Variants in NBEA observed in about 807,000 individuals in gnomAD.
NBEA encodes neurobeachin.
NBEA carries 44 observed loss-of-function variants against 343.4 expected under a neutral mutation model. The ratio of observed to expected loss-of-function variants is 0.13; its 90% CI spans 0.10 to 0.16. The LOEUF (loss-of-function observed/expected upper bound fraction) is 0.16, where lower values mean the gene tolerates loss of function less well. NBEA is among the 10% of genes least tolerant of loss of function. The pLI is 1.00. For missense variants in NBEA, 2,555 were observed against 3,631.3 expected, an observed-to-expected ratio of 0.70 and a Z score of 7.62; for synonymous variants, 1,175 against 1,238.7, an observed-to-expected ratio of 0.95 and a Z score of 1.08.
intron 1 of NBEA, among the ~76,000 whole-genome samples, chr13:34,965,759 G>A (rs568505533): frequency 2.2e-4 from 33 of 152,100 alleles, no homozygotes; most frequent in African/African-American, 7.9e-4. Flanking sequence ...ATGACAAGGG[G>A]TGGGAGGAGG....
chr13:35,257,605 A>G (rs2032762621), intron 34 of NBEA, among the ~76,000 whole-genome samples: 1 of 152,214 alleles, frequency 6.6e-6, no homozygotes, highest in African/African-American at 2.4e-5. Flanking sequence ...ACATGAAGAA[A>G]ATGGAAAGGA....
intron 1 of NBEA, among the ~76,000 whole-genome samples, chr13:34,996,897 A>G (rs1206089797): frequency 1.3e-5 from 2 of 152,154 alleles, no homozygotes; most frequent in Non-Finnish European, 2.9e-5. Context: ...TCATTGCTCC[A>G]TGGTCACTAT....
At chr13:35,291,975 A>G (rs963867336) in intron 35 of NBEA, among the ~76,000 whole-genome samples, 36 of 152,120 alleles carry the variant, frequency 2.4e-4, no homozygotes, top group African/African-American at 8.7e-4. Flanking sequence ...GTGTTTTTAA[A>G]TATTTTAAGT....
Position 35,665,094 on chromosome 13 carries a change from C to T in NBEA, c.8372C>T (p.Pro2791Leu), listed in dbSNP as rs1450566339. 3.8e-6 allele frequency: 6 copies of T among 1,570,036 alleles called. No homozygotes were observed. The highest frequency in any genetic ancestry group is 1.2e-5 in the South Asian group (1 of 85,494). Reference sequence around the variant, plus strand: ...TGCTGTTTTCTTGCAGGTGACTATCCGGCACCAAGAGCCGTCCTCACAGGC... The same window carrying T: ...TGCTGTTTTCTTGCAGGTGACTATCTGGCACCAAGAGCCGTCCTCACAGGC... ...IGDNPNSSDYPAPRAVLTGHD... is the reference protein window; with the variant it reads ...IGDNPNSSDYLAPRAVLTGHD... The change falls in exon 56 of 59, where the codon CCG becomes CTG. Residue 2791 changes from proline (P) to leucine (L), a missense_variant. This residue lies in a region of NBEA where 186 missense variants were observed against 328.9 expected (regional missense o/e 0.57). Transcript: ENST00000379939.
chr13:35,092,652 A>G (rs1046506537), intron 10 of NBEA, among the ~76,000 whole-genome samples: 13 of 152,190 alleles, frequency 8.5e-5, no homozygotes, highest in Admixed American at 8.5e-4. Context: ...AATTAAAACT[A>G]TATAAAACCA....
intron 41 of NBEA, among the ~76,000 whole-genome samples, chr13:35,528,020 T>C (rs1295020647): frequency 1.3e-5 from 2 of 151,960 alleles, no homozygotes; most frequent in Non-Finnish European, 2.9e-5. Context: ...AATATAAGTT[T>C]TACCCCACAA....
At position 35,208,735 on chromosome 13, in the gene NBEA, G is replaced by A; in HGVS notation, c.5402G>A (p.Gly1801Asp). Reference protein sequence around the residue: ...VVVPVKKPPPGSLAVTTVGAT... With the variant: ...VVVPVKKPPPDSLAVTTVGAT... ...GTGCCTGTAAAGAAACCACCTCCAGGTAGTTTAGCTGTAACCACTGTGGGA... is the reference window on the plus strand; with the variant it reads ...GTGCCTGTAAAGAAACCACCTCCAGATAGTTTAGCTGTAACCACTGTGGGA... Residue 1801 changes from glycine to aspartate, a missense_variant, in exon 32 of 59, where the codon GGT (glycine) becomes GAT (aspartate). Gly to Asp is a moderately conservative substitution (Grantham distance 94). Around this residue, in one of 21 missense-constraint regions of NBEA, gnomAD observed 270 missense variants for 293.3 expected, o/e 0.92. Transcript: ENST00000379939. The A allele has an allele frequency of 6.2e-7, 1 of 1,608,922 alleles. No individual in the cohort carries two copies. Among genetic ancestry groups the A allele is most frequent in the Non-Finnish European group, 8.5e-7 (1 of 1,176,802 alleles).
chr13:35,428,116 C>T (rs562188245), intron 38 of NBEA, among the ~76,000 whole-genome samples: 2 of 152,320 alleles, frequency 1.3e-5, no homozygotes, highest in African/African-American at 4.8e-5. Context: ...CTTTGGCTCG[C>T]ACACGATCCG....
intron 1 of NBEA, among the ~76,000 whole-genome samples, chr13:34,994,849 G>T (rs2060884881): frequency 1.3e-5 from 2 of 152,302 alleles, no homozygotes; most frequent in South Asian, 4.1e-4. Flanking sequence ...TTTTGGTTGG[G>T]TCTGCTATCT....
intron 49 of NBEA, among the ~76,000 whole-genome samples, chr13:35,642,108 C>T (rs774797807): frequency 2.3e-4 from 35 of 152,196 alleles, no homozygotes; most frequent in African/African-American, 7.7e-4. Flanking sequence ...AAACATCAAA[C>T]GTTTTGTTAG....
chr13:35,194,394 A>T (rs2072428211), intron 30 of NBEA, among the ~76,000 whole-genome samples: 1 of 152,090 alleles, frequency 6.6e-6, no homozygotes, highest in East Asian at 1.9e-4. Flanking sequence ...TTGTCCTAAC[A>T]ACCTTTGAAT....
At chr13:35,134,310 T>TTG (rs1196318768) in intron 17 of NBEA, among the ~76,000 whole-genome samples, 3 of 151,762 alleles carry the variant, frequency 2.0e-5, no homozygotes, top group Admixed American at 2.0e-4. Flanking sequence ...AACAGATATA[T>TTG]GTTCAATCTT....
intron 34 of NBEA, among the ~76,000 whole-genome samples, chr13:35,244,987 C>T (rs1593909434): frequency 6.6e-6 from 1 of 152,010 alleles, no homozygotes; most frequent in African/African-American, 2.4e-5. Flanking sequence ...TTTATCAGTT[C>T]TAGGGGCTTT....
At chr13:35,035,802 C>G (rs2062418292) in intron 1 of NBEA, among the ~76,000 whole-genome samples, 1 of 151,898 alleles carries the variant, frequency 6.6e-6, no homozygotes, top group Non-Finnish European at 1.5e-5. Flanking sequence ...GTCTTGAAAT[C>G]TCTTTTGTCT....
At chr13:35,478,065 C>T (rs964833590) in intron 41 of NBEA, among the ~76,000 whole-genome samples, 1 of 152,112 alleles carries the variant, frequency 6.6e-6, no homozygotes, top group Non-Finnish European at 1.5e-5. Flanking sequence ...CTATAACTCC[C>T]GGTAACATGT....
intron 41 of NBEA, among the ~76,000 whole-genome samples, chr13:35,541,558 T>C (rs939929380): frequency 9.9e-5 from 15 of 152,062 alleles, no homozygotes; most frequent in Non-Finnish European, 1.8e-4. Flanking sequence ...GGCTTCGTAG[T>C]TAAGAGTTAA....
intron 1 of NBEA, among the ~76,000 whole-genome samples, chr13:34,995,655 C>A (rs1451843226): frequency 6.6e-6 from 1 of 152,100 alleles, no homozygotes; most frequent in Non-Finnish European, 1.5e-5. Flanking sequence ...GGTGTTGTGT[C>A]TCACTTTAAT....
At chr13:35,495,368 A>C (rs1487941330) in intron 41 of NBEA, among the ~76,000 whole-genome samples, 1 of 152,038 alleles carries the variant, frequency 6.6e-6, no homozygotes, top group Admixed American at 6.6e-5. Flanking sequence ...CCCAATGTCC[A>C]TAAAGCGAAA....
chr13:35,116,308 A>T (rs151064443), intron 13 of NBEA, among the ~76,000 whole-genome samples: 1 of 152,174 alleles, frequency 6.6e-6, no homozygotes, highest in Non-Finnish European at 1.5e-5. Flanking sequence ...TCAGTGTTCA[A>T]TTTCTTGACC....
Sources: allele counts gnomAD v4.1 joint callset (sites outside exome capture counted in the v4.1 genomes callset), GRCh38; gene constraint gnomAD v4.1.1; regional missense constraint gnomAD v4.1.1; transcripts MANE v1.5; gene names NCBI Gene and HGNC (gene_info 2026-07-23, HGNC 2026-07-21).